The following ARSB variants were observed in gnomAD, a reference collection of about 807,000 sequenced individuals.
ARSB encodes the protein N-acetylgalactosamine-4-sulfatase.
In ARSB, 41 loss-of-function variants were observed where a neutral mutation model predicts 50.9. That is an observed-to-expected ratio of 0.81 (90% CI 0.63 to 1.04). ARSB has a LOEUF of 1.04. Among genes scored for constraint, ARSB ranks in the 50% least tolerant of loss-of-function variants. The probability of loss-of-function intolerance (pLI) is 0.00; values close to 1 mark genes in which losing one functional copy is unlikely to be tolerated. For missense variants in ARSB, 672 were observed against 693.3 expected (o/e 0.97, Z 0.35); for synonymous variants, 269 against 284.8 (o/e 0.94, Z 0.56).
chr5:78,956,750 G>A (rs1490139185), intron 3 of ARSB, among the ~76,000 whole-genome samples: 1 of 152,018 alleles, frequency 6.6e-6, no homozygotes, highest in Non-Finnish European at 1.5e-5. Flanking sequence ...TTTTACAGAT[G>A]AGTTAACTGA....
intron 4 of ARSB, among the ~76,000 whole-genome samples, chr5:78,954,980 G>A (rs1354751325): frequency 6.6e-6 from 1 of 152,200 alleles, no homozygotes; most frequent in African/African-American, 2.4e-5. Context: ...GAGAGAGCTG[G>A]GAACAAGCCA....
At chr5:78,849,833 G>C (rs1437240817) in intron 5 of ARSB, among the ~76,000 whole-genome samples, 2 of 148,152 alleles carry the variant, frequency 1.3e-5, no homozygotes, top group African/African-American at 2.4e-5. Flanking sequence ...ATTGTGAATG[G>C]GAGTTCACTC....
intron 4 of ARSB, among the ~76,000 whole-genome samples, chr5:78,927,193 A>C (rs1192301930): frequency 6.6e-6 from 1 of 152,238 alleles, no homozygotes; most frequent in Admixed American, 6.5e-5. Flanking sequence ...AATATATTTT[A>C]TTCAACCCAA....
At chr5:78,961,306 G>A (rs1751973874) in intron 3 of ARSB, among the ~76,000 whole-genome samples, 1 of 152,156 alleles carries the variant, frequency 6.6e-6, no homozygotes, top group Admixed American at 6.5e-5. Flanking sequence ...TGTATTAGCT[G>A]TCTTAAACAT....
chr5:78,901,107 C>T (rs546721745), intron 4 of ARSB, among the ~76,000 whole-genome samples: 44 of 151,802 alleles, frequency 2.9e-4, no homozygotes, highest in African/African-American at 9.9e-4. Context: ...TCATATTACC[C>T]GACCTCCTCT....
rs906927489 is a variant in ARSB at position 78,780,055 on chromosome 5, C to T, written c.*342G>A. 5 of 326,916 alleles carry T rather than the reference C, an allele frequency of 1.5e-5. No homozygotes were observed. The highest frequency in any genetic ancestry group is 3.1e-5 in the South Asian group (1 of 31,764). 20.3% of individuals were successfully genotyped at this position (326,916 alleles called of 1,614,324 possible). A position where few individuals can be genotyped will look rare whatever the true frequency, so the allele number is the denominator to read the frequency against. ...TGGCTATTGGCAGAGGGGAATCGAA[C>T]GTCTGACTTGTGAGTCTAAAAGAGC... On this transcript the variant is annotated 3_prime_UTR_variant, in exon 8 of 8. Transcript: ENST00000264914.
Position 78,985,243 on chromosome 5 carries a change from A to G in ARSB, c.6T>C (p.Gly2=). The change falls in exon 1 of 8, where the codon GGT becomes GGC. Residue 2 remains glycine (G), a synonymous_variant. Transcript: ENST00000264914. M[G]PRGAASLPRG... ...GGGGCAAGCTCGCCGCGCCGCGCGG[A>G]CCCATCCTTGTCCGCCCGCGGTCCC... is the stretch of plus-strand genomic sequence containing the variant. 1.5e-6 allele frequency: 2 copies of G among 1,319,298 alleles called. No homozygotes were observed. Among genetic ancestry groups the G allele is most frequent in the Non-Finnish European group, 9.6e-7 (1 of 1,041,190 alleles). The allele number at this position is 1,319,298 out of a possible 1,614,324, so 81.7% of individuals were successfully genotyped here. A position where few individuals can be genotyped will look rare whatever the true frequency, so the allele number is the denominator to read the frequency against.
chr5:78,808,503 C>G (rs190927343), intron 6 of ARSB, among the ~76,000 whole-genome samples: 48 of 152,274 alleles, frequency 3.2e-4, no homozygotes, highest in African/African-American at 1.1e-3. Flanking sequence ...GATGACGAGG[C>G]CTGCATGACC....
intron 6 of ARSB, chr5:78,817,098 C>G: frequency 1.0e-6 from 1 of 985,420 alleles, no homozygotes; most frequent in Non-Finnish European, 1.2e-6. Flanking sequence ...GCAGTACCCT[C>G]CTTGTCTTCC....
chr5:78,834,023 G>A (rs2112702503), intron 6 of ARSB, among the ~76,000 whole-genome samples: 1 of 152,272 alleles, frequency 6.6e-6, no homozygotes, highest in African/African-American at 2.4e-5. Flanking sequence ...GCTCAGGAAA[G>A]GCTGTAAGAC....
chr5:78,867,568 C>T (rs1010356861), intron 5 of ARSB, among the ~76,000 whole-genome samples: 49 of 152,026 alleles, frequency 3.2e-4, no homozygotes, highest in Admixed American at 1.3e-3. Flanking sequence ...ACTGACACCT[C>T]ACACGGCAGG....
intron 6 of ARSB, among the ~76,000 whole-genome samples, chr5:78,792,246 G>T (rs1742975097): frequency 6.6e-6 from 1 of 152,002 alleles, no homozygotes; most frequent in Admixed American, 6.6e-5. Flanking sequence ...AGGTGTGACG[G>T]TGCATGCCTG....
At chr5:78,834,286 A>G (rs1744830572) in intron 6 of ARSB, among the ~76,000 whole-genome samples, 1 of 152,052 alleles carries the variant, frequency 6.6e-6, no homozygotes, top group South Asian at 2.1e-4. Flanking sequence ...CATAAAATTT[A>G]CTATCCTAAC....
At chr5:78,887,232 T>C (rs1748080597) in intron 4 of ARSB, among the ~76,000 whole-genome samples, 1 of 152,176 alleles carries the variant, frequency 6.6e-6, no homozygotes, top group East Asian at 1.9e-4. Flanking sequence ...GGTGAGGGCT[T>C]TTGTGCTGCA....
intron 3 of ARSB, among the ~76,000 whole-genome samples, chr5:78,961,915 C>A (rs1204868609): frequency 1.3e-5 from 2 of 151,994 alleles, no homozygotes; most frequent in Non-Finnish European, 2.9e-5. Flanking sequence ...TTGGGTCCCA[C>A]CTCAGACCAA....
intron 5 of ARSB, among the ~76,000 whole-genome samples, chr5:78,879,645 C>G (rs755671782): frequency 4.6e-5 from 7 of 152,160 alleles, no homozygotes; most frequent in Non-Finnish European, 1.0e-4. Flanking sequence ...AGTTTCAGAC[C>G]TCTGGGCACA....
At chr5:78,912,660 T>A (rs1383954574) in intron 4 of ARSB, among the ~76,000 whole-genome samples, 1 of 152,188 alleles carries the variant, frequency 6.6e-6, no homozygotes, top group Non-Finnish European at 1.5e-5. Context: ...ACATTAACAT[T>A]TTGCTCAACC....
chr5:78,853,635 T>C (rs1447587648), intron 5 of ARSB, among the ~76,000 whole-genome samples: 1 of 152,204 alleles, frequency 6.6e-6, no homozygotes, highest in Non-Finnish European at 1.5e-5. Flanking sequence ...TGATGTCTTT[T>C]TGTTTGTCTG....
chr5:78,789,161 T>C (rs1749173443), intron 6 of ARSB, among the ~76,000 whole-genome samples: 1 of 152,222 alleles, frequency 6.6e-6, no homozygotes, highest in Non-Finnish European at 1.5e-5. Context: ...AAACACAGTA[T>C]TTTTCATAAC....
Sources: gnomAD v4.1 joint callset for allele counts (sites outside exome capture counted in the v4.1 genomes callset) on GRCh38, gnomAD v4.1.1 for gene constraint, MANE v1.5 for transcripts, NCBI Gene and HGNC (gene_info 2026-07-23, HGNC 2026-07-21) for gene names.